DIDO1: variants seen among roughly 807,000 people sequenced by gnomAD.
DIDO1 encodes death inducer-obliterator 1.
A neutral mutation model predicts 99.4 loss-of-function variants in DIDO1; 16 were observed. The ratio of observed to expected loss-of-function variants is 0.16; its 90% CI spans 0.11 to 0.24. The LOEUF (loss-of-function observed/expected upper bound fraction) is 0.24. Among genes scored for constraint, DIDO1 ranks in the 10% least tolerant of loss-of-function variants. DIDO1 has a pLI of 1.00. For missense variants in DIDO1, 2,996 were observed against 3,014.0 expected (o/e 0.99, Z 0.14); for synonymous variants, 1,366 against 1,239.1 (o/e 1.10, Z -2.15).
chr20:62,903,318 G>C (rs1317215217), intron 6 of DIDO1, among the ~76,000 whole-genome samples: 2 of 152,224 alleles, frequency 1.3e-5, no homozygotes, highest in Admixed American at 6.5e-5. Context: ...CGAGTGCCAT[G>C]GGAAGGACAG....
At chr20:62,884,221 A>G (rs1385985414) in intron 15 of DIDO1, among the ~76,000 whole-genome samples, 1 of 152,154 alleles carries the variant, frequency 6.6e-6, no homozygotes, top group Non-Finnish European at 1.5e-5. Flanking sequence ...AAAATTATTC[A>G]AAGATATTCC....
At chr20:62,925,081 A>C (rs1258615188) in intron 1 of DIDO1, among the ~76,000 whole-genome samples, 3 of 152,168 alleles carry the variant, frequency 2.0e-5, no homozygotes, top group Non-Finnish European at 2.9e-5. Flanking sequence ...GCCGTATTTA[A>C]AATAGTGAAA....
intron 3 of DIDO1, among the ~76,000 whole-genome samples, chr20:62,910,539 G>A (rs777855487): frequency 1.3e-5 from 2 of 152,184 alleles, no homozygotes; most frequent in Non-Finnish European, 2.9e-5. Context: ...GGGGTGGGGC[G>A]CTATTCACCT....
chr20:62,932,469 C>G (rs1325762633), intron 1 of DIDO1, among the ~76,000 whole-genome samples: 1 of 152,116 alleles, frequency 6.6e-6, no homozygotes, highest in Non-Finnish European at 1.5e-5. Flanking sequence ...AAGTCAGATC[C>G]CAAACCAGTA....
At chr20:62,910,046 G>C (rs1351214436) in intron 3 of DIDO1, 26 bp from the exon 4 acceptor site, 1 of 1,591,514 alleles carries the variant, frequency 6.3e-7, no homozygotes, top group East Asian at 2.2e-5. Context: ...AACGGTATTA[G>C]CAATGGGACG....
chr20:62,918,622 TG>T (rs2147544473), intron 1 of DIDO1, among the ~76,000 whole-genome samples: 1 of 152,374 alleles, frequency 6.6e-6, no homozygotes, highest in Non-Finnish European at 1.5e-5. Context: ...CCTCACCTAG[TG>T]GCAAACATTC....
chr20:62,892,731 G>A (rs565112746), intron 13 of DIDO1, 78 bp downstream of exon 13: 69 of 1,501,918 alleles, frequency 4.6e-5, no homozygotes, highest in Non-Finnish European at 5.6e-5. Flanking sequence ...AATTAAGGGA[G>A]AAAGTCATGT....
intron 6 of DIDO1, chr20:62,905,217 C>T: frequency 8.5e-7 from 1 of 1,180,550 alleles, no homozygotes; most frequent in Non-Finnish European, 1.1e-6. Flanking sequence ...AGGCACGCGT[C>T]CTGCGGTCAG....
chr20:62,919,548 A>G (rs565549133), intron 1 of DIDO1, among the ~76,000 whole-genome samples: 98 of 146,034 alleles, frequency 6.7e-4, no homozygotes, highest in African/African-American at 2.0e-3. Context: ...CTCAAAGAAG[A>G]AAAAAAAAAA....
chr20:62,936,572 A>C (rs901454480), intron 1 of DIDO1, among the ~76,000 whole-genome samples: 3 of 151,300 alleles, frequency 2.0e-5, no homozygotes, highest in African/African-American at 4.9e-5. Context: ...AGAATAAAAT[A>C]AAATCAAAAT....
At chr20:62,883,053 AGCTGGGAT>A (rs1189517628) in intron 15 of DIDO1, among the ~76,000 whole-genome samples, 8 of 148,142 alleles carry the variant, frequency 5.4e-5, no homozygotes, top group Non-Finnish European at 5.9e-5. Context: ...CCTCCTGAGT[AGCTGGGAT>A]TACAGGCATG....
rs749039123 is a variant in DIDO1, at chr20:62,911,108, G to A, written c.505C>T (p.Arg169Cys). ...GTGGGCTCCTGTTCCCGCTTCCTGC[G>A]AAGGCGATTCTGAAGCTCTTTCAAG... ...LTLKELQNRLRRKREQEPTER... is the reference protein window; with the variant it reads ...LTLKELQNRLCRKREQEPTER... Residue 169 changes from arginine (R) to cysteine (C), a missense_variant, in exon 3 of 16, where the codon CGC becomes TGC. This residue lies in a region of DIDO1 where 388 missense variants were observed against 376.6 expected (regional missense o/e 1.03). Transcript: ENST00000395343. This position sits in a 1 kb window ranked among gnomAD's most constrained non-coding sequence, Gnocchi z 7.0. 9 of 1,614,010 alleles carry A rather than the reference G, an allele frequency of 5.6e-6. No homozygotes were observed. Among genetic ancestry groups the A allele is most frequent in the Non-Finnish European group, 7.6e-6 (9 of 1,180,030 alleles).
intron 1 of DIDO1, among the ~76,000 whole-genome samples, chr20:62,937,189 G>C (rs2065398014): frequency 6.6e-6 from 1 of 152,250 alleles, no homozygotes; most frequent in Non-Finnish European, 1.5e-5. Flanking sequence ...GATGAAATCA[G>C]GAGCTGCCCC....
rs878889506 is a variant in DIDO1, at chr20:62,889,230, G to A, written c.3541+1730C>T. On this transcript the variant is annotated intron_variant, in intron 15 of 15. Transcript: ENST00000395343. ...GAGACCTGTCCTTTCCCTCTGCCCC[G>A]GGGCTGCACCTGCACAGCCAGCCCT... 24 of 985,468 alleles carry A rather than the reference G, an allele frequency of 2.4e-5. No homozygotes were observed. The South Asian group carries it at 3.8e-4, about 15-fold the overall frequency. The allele number at this position is 985,468 out of a possible 1,614,324, so 61.0% of individuals were successfully genotyped here.
intron 15 of DIDO1, chr20:62,888,939 G>A (rs2064345092): frequency 1.0e-6 from 1 of 985,340 alleles, no homozygotes; most frequent in African/African-American, 1.7e-5. Flanking sequence ...GGTTTCACTA[G>A]CTGTTACTTT....
At chr20:62,887,629 CG>C in intron 15 of DIDO1, 3 of 985,540 alleles carry the variant, frequency 3.0e-6, no homozygotes, top group Non-Finnish European at 3.6e-6. Flanking sequence ...GCGGAAATGA[CG>C]GGGGCTGGGC....
chr20:62,905,603 T>A lies in DIDO1; in HGVS notation c.1588+284A>T, dbSNP rs187732459. 1.2e-3 allele frequency: 1,835 copies of A among 1,551,676 alleles called. 3 individuals are homozygous for A. Among genetic ancestry groups the A allele is most frequent in the Admixed American group, 4.2e-3 (214 of 51,028 alleles). ...GAGAATACGAATACTTACCAGAGCCTGAGAGTGAAAACAGAGATTAAAGAA... is the reference window on the plus strand; with the variant it reads ...GAGAATACGAATACTTACCAGAGCCAGAGAGTGAAAACAGAGATTAAAGAA... On this transcript the variant is annotated intron_variant, in intron 6 of 15. Coordinates refer to ENST00000395343, the MANE Select transcript of DIDO1 (RefSeq NM_001193369.2).
chr20:62,931,211 A>G (rs570376466), upstream of DIDO1, among the ~76,000 whole-genome samples: 6 of 152,206 alleles, frequency 3.9e-5, no homozygotes, highest in East Asian at 1.2e-3. Flanking sequence ...GGGATTCCGA[A>G]GGCATGAGCC....
At chr20:62,930,230 A>C (rs906292489), upstream of DIDO1, among the ~76,000 whole-genome samples, 4 of 152,296 alleles carry the variant, frequency 2.6e-5, no homozygotes, top group Non-Finnish European at 4.4e-5. Flanking sequence ...AAAAAAAAAA[A>C]AACACAGATC....
Sources: gnomAD v4.1 joint callset for allele counts (sites outside exome capture counted in the v4.1 genomes callset) on GRCh38, gnomAD v4.1.1 for gene constraint, gnomAD v4.1.1 regional missense constraint, Gnocchi (gnomAD v3.1) non-coding constraint, MANE v1.5 for transcripts, NCBI Gene and HGNC (gene_info 2026-07-23, HGNC 2026-07-21) for gene names.